Variants in NDUFAF2 observed in about 807,000 individuals in gnomAD.
The protein encoded by NDUFAF2 is NADH:ubiquinone oxidoreductase complex assembly factor 2.
A neutral mutation model predicts 22.8 loss-of-function variants in NDUFAF2; 13 were observed. The observed-to-expected ratio is 0.57, with a 90% CI of 0.37 to 0.91. NDUFAF2 has a LOEUF of 0.91. Ranked by LOEUF, NDUFAF2 falls within the 40% of genes least tolerant of loss-of-function variation. The pLI, the probability that NDUFAF2 is intolerant of heterozygous loss-of-function variation, is 0.01. For missense variants in NDUFAF2, 162 were observed against 195.2 expected, an observed-to-expected ratio of 0.83 and a Z score of 1.01; for synonymous variants, 53 against 64.2, an observed-to-expected ratio of 0.83 and a Z score of 0.84.
At chr5:61,085,382 A>T (rs959282045) in intron 2 of NDUFAF2, among the ~76,000 whole-genome samples, 1 of 152,138 alleles carries the variant, frequency 6.6e-6, no homozygotes, top group African/African-American at 2.4e-5. Context: ...TAAAATAGAA[A>T]AGAAGCGCCT....
intron 1 of NDUFAF2, among the ~76,000 whole-genome samples, chr5:61,013,950 T>C (rs992011448): frequency 1.3e-5 from 2 of 152,360 alleles, no homozygotes; most frequent in African/African-American, 4.8e-5. Context: ...GTAGGTGTGG[T>C]ACCATGGGAA....
Position 60,983,003 on chromosome 5 carries a change from T to G in NDUFAF2, c.127+37621T>G, listed in dbSNP as rs1478723893. 1.6e-4 allele frequency among the ~76,000 whole-genome samples: 25 copies of G among 151,976 alleles called. No individual in the cohort carries two copies. The South Asian group carries it at 5.0e-3, about 30-fold the overall frequency. ...GACTTCCACAATGGTTGAACTAGTTTACGGTCCCACCAACAGTGTAAAAGT... is the reference window on the plus strand; with the variant it reads ...GACTTCCACAATGGTTGAACTAGTTGACGGTCCCACCAACAGTGTAAAAGT... On this transcript the variant is annotated intron_variant, in intron 1 of 3. Coordinates refer to ENST00000296597, the MANE Select transcript of NDUFAF2 (RefSeq NM_174889.5).
chr5:61,109,610 G>A (rs913721737), intron 3 of NDUFAF2, among the ~76,000 whole-genome samples: 3 of 152,120 alleles, frequency 2.0e-5, no homozygotes, highest in Non-Finnish European at 2.9e-5. Context: ...ATCTTGAATT[G>A]TAATCCCCAG....
chr5:61,064,827 A>G (rs775289341), intron 1 of NDUFAF2, among the ~76,000 whole-genome samples: 75 of 151,980 alleles, frequency 4.9e-4, no homozygotes, highest in Middle Eastern at 3.2e-3. Flanking sequence ...GGAACCAGAA[A>G]AAGAACAAAC....
chr5:60,994,173 G>A (rs1388585922), intron 1 of NDUFAF2, among the ~76,000 whole-genome samples: 2 of 152,240 alleles, frequency 1.3e-5, no homozygotes, highest in Non-Finnish European at 2.9e-5. Flanking sequence ...ACAGTGCCTG[G>A]ACTCAGTCCC....
chr5:61,128,678 C>G (rs189840958), intron 3 of NDUFAF2, among the ~76,000 whole-genome samples: 3 of 152,154 alleles, frequency 2.0e-5, no homozygotes, highest in South Asian at 2.1e-4. Context: ...AAATGTTAGA[C>G]CTAAAACCAC....
chr5:61,006,374 G>A (rs1196212900), intron 1 of NDUFAF2, among the ~76,000 whole-genome samples: 37 of 152,200 alleles, frequency 2.4e-4, no homozygotes, highest in East Asian at 9.6e-4. Context: ...GTCAGGTAGC[G>A]TGATGCCTCC....
intron 1 of NDUFAF2, 57 bp downstream of exon 1, chr5:60,945,439 G>A (rs746894753): frequency 6.2e-7 from 1 of 1,613,584 alleles, no homozygotes; most frequent in Non-Finnish European, 8.5e-7. Context: ...GTCAGTAAAG[G>A]AGGGAAAAGT....
At chr5:61,032,647 G>A (rs897693739) in intron 1 of NDUFAF2, among the ~76,000 whole-genome samples, 2 of 152,158 alleles carry the variant, frequency 1.3e-5, no homozygotes, top group Admixed American at 6.6e-5. Context: ...ATAGTTTGAA[G>A]TCAGGTAGTG....
chr5:61,052,379 C>T lies in NDUFAF2; in HGVS notation c.128-20746C>T, dbSNP rs1204175191. On this transcript the variant is annotated intron_variant, in intron 1 of 3. Transcript: ENST00000296597. ...AGGCTGGAGTGCAGTGGTGCGTTCTCTGCTTACTGCAAGCTCCGCCTCCCG... is the reference window on the plus strand; with the variant it reads ...AGGCTGGAGTGCAGTGGTGCGTTCTTTGCTTACTGCAAGCTCCGCCTCCCG... Among the ~76,000 whole-genome samples the T allele has an allele frequency of 3.3e-5, 5 of 152,162 alleles. No individual in the cohort carries two copies. In the East Asian group the frequency reaches 7.7e-4, roughly 23 times the overall value.
chr5:61,151,986 G>A (rs1288735719), intron 3 of NDUFAF2, among the ~76,000 whole-genome samples: 1 of 152,126 alleles, frequency 6.6e-6, no homozygotes, highest in East Asian at 1.9e-4. Context: ...AAATGTGATG[G>A]TCTTTTATTC....
chr5:61,096,791 C>A (rs1030370193), intron 2 of NDUFAF2, among the ~76,000 whole-genome samples: 1 of 151,726 alleles, frequency 6.6e-6, no homozygotes, highest in African/African-American at 2.4e-5. Context: ...TGGTGAAACC[C>A]CATCTCTACA....
chr5:61,085,783 A>C (rs1262828014), intron 2 of NDUFAF2, among the ~76,000 whole-genome samples: 1 of 152,192 alleles, frequency 6.6e-6, no homozygotes, highest in Non-Finnish European at 1.5e-5. Context: ...TTTAGGGATA[A>C]ATTTACAAAA....
chr5:61,081,449 A>G (rs1194250466), intron 2 of NDUFAF2, among the ~76,000 whole-genome samples: 2 of 152,190 alleles, frequency 1.3e-5, no homozygotes, highest in African/African-American at 4.8e-5. Flanking sequence ...GGATACAACA[A>G]AAAAGTGTCA....
intron 1 of NDUFAF2, among the ~76,000 whole-genome samples, chr5:61,048,614 T>G (rs918896678): frequency 2.0e-5 from 3 of 152,304 alleles, no homozygotes; most frequent in African/African-American, 7.2e-5. Context: ...CAGGCAGCTT[T>G]CTTCAAGCCA....
chr5:61,037,664 A>G (rs563214093), intron 1 of NDUFAF2, among the ~76,000 whole-genome samples: 6 of 152,312 alleles, frequency 3.9e-5, no homozygotes, highest in African/African-American at 9.6e-5. Context: ...CCATTTATCT[A>G]TACTTGGTGA....
Position 60,969,652 on chromosome 5 carries a change from A to G in NDUFAF2, c.127+24270A>G, listed in dbSNP as rs1750802350. ...CTTGTCAGATGGGTAGTGTGCAAAT[A>G]TTTTTCACCCATTCTGTGGATTGTC... On this transcript the variant is annotated intron_variant, in intron 1 of 3. Coordinates refer to ENST00000296597, the MANE Select transcript of NDUFAF2 (RefSeq NM_174889.5). 2.0e-5 allele frequency among the ~76,000 whole-genome samples: 3 copies of G among 151,732 alleles called. No homozygotes were observed. In the South Asian group the frequency reaches 6.2e-4, roughly 32 times the overall value.
intron 3 of NDUFAF2, among the ~76,000 whole-genome samples, chr5:61,099,999 G>A (rs144302615): frequency 2.0e-5 from 3 of 152,166 alleles, no homozygotes; most frequent in East Asian, 3.9e-4. Flanking sequence ...ATGTTCATTC[G>A]GCCAGGGTCT....
intron 2 of NDUFAF2, among the ~76,000 whole-genome samples, chr5:61,078,565 C>T (rs951989348): frequency 9.9e-5 from 15 of 152,150 alleles, no homozygotes; most frequent in South Asian, 2.1e-4. Context: ...ACATGTGAAA[C>T]GCCATCTCTA....
Sources: gnomAD v4.1 joint callset for allele counts (sites outside exome capture counted in the v4.1 genomes callset) on GRCh38, gnomAD v4.1.1 for gene constraint, MANE v1.5 for transcripts, NCBI Gene and HGNC (gene_info 2026-07-23, HGNC 2026-07-21) for gene names.